Variants in AMMECR1 observed in about 807,000 individuals in gnomAD.
AMMECR1 encodes nuclear protein AMMECR1.
Under a neutral mutation model 22.5 loss-of-function variants are expected in AMMECR1, and 3 were observed. The observed-to-expected ratio is 0.13, with a 90% confidence interval of 0.06 to 0.35. The LOEUF (loss-of-function observed/expected upper bound fraction) is 0.35, where lower values mean the gene tolerates loss of function less well. AMMECR1 is among the 10% of genes least tolerant of loss of function. The pLI is 1.00. For synonymous variants in AMMECR1, 130 were observed against 116.7 expected, an observed-to-expected ratio of 1.11 and a Z score of -0.74; for missense variants, 235 against 278.7, an observed-to-expected ratio of 0.84 and a Z score of 1.12.
chrX:110,235,760 C>T (rs777319886), intron 2 of AMMECR1, among the ~76,000 whole-genome samples: 1 of 111,306 alleles, frequency 9.0e-6, no homozygotes, highest in Admixed American at 9.5e-5. Flanking sequence ...GGGAATTGAA[C>T]AATGAGATCA....
At chrX:110,268,444 G>A (rs747113733) in intron 1 of AMMECR1, among the ~76,000 whole-genome samples, 3 of 112,123 alleles carry the variant, frequency 2.7e-5, no homozygotes, top group South Asian at 3.7e-4. Context: ...TAAAGTACAC[G>A]TGTATGGAAT....
At chrX:110,279,921 T>A (rs909396906) in intron 1 of AMMECR1, among the ~76,000 whole-genome samples, 2 of 111,716 alleles carry the variant, frequency 1.8e-5, no homozygotes, top group Non-Finnish European at 3.8e-5. Flanking sequence ...ATTTTAAAAT[T>A]AAAATTGTAT....
At chrX:110,269,283 T>C (rs1273850450) in intron 1 of AMMECR1, among the ~76,000 whole-genome samples, 1 of 111,894 alleles carries the variant, frequency 8.9e-6, no homozygotes, top group Non-Finnish European at 1.9e-5. Context: ...AATTAAGTGA[T>C]ACAACAAAAA....
rs1372156777 is a variant in AMMECR1 at position 110,317,787 on chromosome X, G to A, written c.285C>T (p.Thr95=). The A allele has an allele frequency of 8.5e-7, 1 of 1,172,545 alleles. No homozygotes were observed. The highest frequency in any genetic ancestry group is 1.9e-5 in the South Asian group (1 of 52,604). ...LSPPPSCGVG[T]LLSTPAAATS... ...TGGCGGCGGCCGGGGTAGAAAGTAGGGTCCCCACTCCGCAGCTCGGAGGTG... is the reference window on the plus strand; with the variant it reads ...TGGCGGCGGCCGGGGTAGAAAGTAGAGTCCCCACTCCGCAGCTCGGAGGTG... The change falls in exon 1 of 6, where the codon ACC becomes ACT. Residue 95 remains threonine (T), a synonymous_variant. Transcript: ENST00000262844.
At chrX:110,425,204 A>T (rs866353503) in intron 2 of AMMECR1, among the ~76,000 whole-genome samples, 1 of 112,822 alleles carries the variant, frequency 8.9e-6, no homozygotes, top group African/African-American at 3.2e-5. Flanking sequence ...AATAGCAATT[A>T]GTAGGTAGAA....
At chrX:110,230,042 C>G (rs2067555752) in intron 2 of AMMECR1, among the ~76,000 whole-genome samples, 1 of 113,143 alleles carries the variant, frequency 8.8e-6, no homozygotes, top group Non-Finnish European at 1.9e-5. Context: ...CTCAACAACG[C>G]CTACTGCCTC....
chrX:110,279,800 G>GA (rs2067843664), intron 1 of AMMECR1, among the ~76,000 whole-genome samples: 1 of 111,287 alleles, frequency 9.0e-6, no homozygotes, highest in Admixed American at 9.6e-5. Context: ...TACAAATATG[G>GA]AAAAAATATG....
chrX:110,317,679 G>T lies in AMMECR1; in HGVS notation c.393C>A (p.Cys131Ter). The change falls in exon 1 of 6, where the codon TGC becomes TGA. Residue 131 changes from cysteine to a stop codon, truncating the protein, a stop_gained. Coordinates refer to ENST00000262844, the MANE Select transcript of AMMECR1 (RefSeq NM_015365.3). LOFTEE classifies it high-confidence loss of function. ...AGTAGAGCACATCGAAGCAAAAGCAGCACATCTCTGCTGACACCACCATCT... is the reference window on the plus strand; with the variant it reads ...AGTAGAGCACATCGAAGCAAAAGCATCACATCTCTGCTGACACCACCATCT... ...SRKMVVSAEM[C>*]CFCFDVLYCH... 8.3e-7 allele frequency: 1 copy of T among 1,208,760 alleles called. No homozygotes were observed. Among genetic ancestry groups the T allele is most frequent in the Non-Finnish European group, 1.1e-6 (1 of 893,920 alleles).
At chrX:110,353,614 T>C (rs1045553563) in intron 2 of AMMECR1, among the ~76,000 whole-genome samples, 2 of 109,015 alleles carry the variant, frequency 1.8e-5, no homozygotes, top group East Asian at 5.6e-4. Context: ...TTCCACATAT[T>C]TATGAGTTTT....
chrX:110,387,007 A>G (rs918657614), intron 2 of AMMECR1, among the ~76,000 whole-genome samples: 9 of 112,612 alleles, frequency 8.0e-5, no homozygotes, highest in African/African-American at 1.9e-4. Flanking sequence ...AAGAATTGCT[A>G]TGGGAACTCA....
chrX:110,240,016 T>C (rs931784575), intron 2 of AMMECR1, among the ~76,000 whole-genome samples: 3 of 111,384 alleles, frequency 2.7e-5, no homozygotes, highest in African/African-American at 9.8e-5. Context: ...CTGAGAGATT[T>C]TGTCACCACC....
At chrX:110,285,839 G>A (rs775375555) in intron 1 of AMMECR1, among the ~76,000 whole-genome samples, 2 of 111,272 alleles carry the variant, frequency 1.8e-5, no homozygotes, top group East Asian at 5.6e-4. Flanking sequence ...AAAAGAAAGT[G>A]TCCCATTTTT....
chrX:110,246,923 T>C (rs1465920525), intron 2 of AMMECR1, among the ~76,000 whole-genome samples: 1 of 112,414 alleles, frequency 8.9e-6, no homozygotes, highest in Non-Finnish European at 1.9e-5. Context: ...AGAAACAGAA[T>C]AGCAGCAATC....
At chrX:110,368,632 C>T (rs1031238799) in intron 2 of AMMECR1, among the ~76,000 whole-genome samples, 27 of 111,858 alleles carry the variant, frequency 2.4e-4, no homozygotes, top group African/African-American at 5.2e-4. Flanking sequence ...CTTTACTCTG[C>T]TTAATTTTTT....
chrX:110,268,669 G>A (rs1034498123), intron 1 of AMMECR1, among the ~76,000 whole-genome samples: 1 of 111,807 alleles, frequency 8.9e-6, no homozygotes, highest in Admixed American at 9.5e-5. Context: ...ACGCAACACA[G>A]AGGGAAGGAA....
intron 1 of AMMECR1, among the ~76,000 whole-genome samples, chrX:110,433,273 C>T (rs2068812293): frequency 2.7e-5 from 3 of 112,286 alleles, no homozygotes; most frequent in South Asian, 7.4e-4. Flanking sequence ...GTGCATAGCC[C>T]GTATCCTCAA....
chrX:110,402,837 G>C (rs1191279795), intron 2 of AMMECR1, among the ~76,000 whole-genome samples: 1 of 112,135 alleles, frequency 8.9e-6, no homozygotes. Context: ...CCTGAAAGGG[G>C]GGTGTCTCCT....
intron 2 of AMMECR1, among the ~76,000 whole-genome samples, chrX:110,374,244 T>C (rs1272170012): frequency 9.0e-6 from 1 of 111,697 alleles, no homozygotes; most frequent in East Asian, 2.8e-4. Context: ...AAAATGAAAA[T>C]CTTGAAACCT....
chrX:110,291,209 G>A (rs2067906510), intron 1 of AMMECR1, among the ~76,000 whole-genome samples: 1 of 111,361 alleles, frequency 9.0e-6, no homozygotes, highest in South Asian at 3.8e-4. Flanking sequence ...TCCAATGTAA[G>A]GTAGACATGT....
Sources: gnomAD v4.1 joint callset for allele counts (sites outside exome capture counted in the v4.1 genomes callset) on GRCh38, gnomAD v4.1.1 for gene constraint, MANE v1.5 for transcripts, NCBI Gene and HGNC (gene_info 2026-07-23, HGNC 2026-07-21) for gene names.